Variants in MAGEC3 observed in about 807,000 individuals in gnomAD.
MAGEC3 encodes MAGE family member C3.
MAGEC3 carries 34 observed loss-of-function variants against 35.3 expected under a neutral mutation model. That is an observed-to-expected ratio of 0.96 (90% CI 0.73 to 1.28). The LOEUF (loss-of-function observed/expected upper bound fraction) is 1.28, where lower values mean the gene tolerates loss of function less well. Among genes scored for constraint, MAGEC3 ranks in the 50% most tolerant of loss-of-function variants. The pLI, the probability that MAGEC3 is intolerant of heterozygous loss-of-function variation, is 0.00. For missense variants in MAGEC3, 561 were observed against 483.6 expected (o/e 1.16, Z -1.50); for synonymous variants, 202 against 185.6 (o/e 1.09, Z -0.72).
chrX:141,856,585 C>T (rs1268378708), intron 1 of MAGEC3, among the ~76,000 whole-genome samples: 1 of 111,111 alleles, frequency 9.0e-6, no homozygotes, highest in Admixed American at 9.6e-5. Flanking sequence ...AAAACTATAT[C>T]AATATGTTGA....
At chrX:141,873,683 A>G (rs765685893) in intron 2 of MAGEC3, among the ~76,000 whole-genome samples, 3 of 111,785 alleles carry the variant, frequency 2.7e-5, no homozygotes, top group Non-Finnish European at 5.6e-5. Context: ...AGTAGGCACA[A>G]GGTCTGTATA....
At chrX:141,849,076 C>G (rs2017734837) in intron 1 of MAGEC3, among the ~76,000 whole-genome samples, 1 of 111,114 alleles carries the variant, frequency 9.0e-6, no homozygotes, top group Non-Finnish European at 1.9e-5. Context: ...AAAACAGACA[C>G]ACAGACCAAT....
intron 1 of MAGEC3, among the ~76,000 whole-genome samples, chrX:141,848,977 T>C (rs73238532): frequency 0.024 from 2,658 of 111,229 alleles, 42 homozygotes; most frequent in Non-Finnish European, 0.039. Context: ...AATACATTTA[T>C]AGAAAGAACA....
chrX:141,841,818 G>T (rs2017687466), intron 1 of MAGEC3, among the ~76,000 whole-genome samples: 1 of 111,509 alleles, frequency 9.0e-6, no homozygotes, highest in African/African-American at 3.3e-5. Flanking sequence ...TTTCCAATAT[G>T]ATGTGATCTG....
At chrX:141,879,744 G>A (rs1389652191) in intron 3 of MAGEC3, among the ~76,000 whole-genome samples, 3 of 110,672 alleles carry the variant, frequency 2.7e-5, no homozygotes, top group East Asian at 2.9e-4. Context: ...AGAACTGGCC[G>A]ATCCTCAAGG....
intron 4 of MAGEC3, among the ~76,000 whole-genome samples, chrX:141,882,784 A>C (rs763199259): frequency 2.7e-5 from 3 of 112,077 alleles, no homozygotes; most frequent in Non-Finnish European, 5.6e-5. Flanking sequence ...AAAACAATAG[A>C]GTCTAGGAGC....
At chrX:141,865,345 A>G (rs895933414) in intron 1 of MAGEC3, 126 bp from the exon 2 acceptor site, 2 of 593,414 alleles carry the variant, frequency 3.4e-6, no homozygotes, top group Non-Finnish European at 4.7e-6. Flanking sequence ...TTTTAATTTG[A>G]CATTTTTTTT....
chrX:141,893,642 C>CTG (rs770042816), intron 4 of MAGEC3, among the ~76,000 whole-genome samples: 7,047 of 85,007 alleles, frequency 0.083, 362 homozygotes, highest in Admixed American at 0.13. Flanking sequence ...ATAGGAGACA[C>CTG]TGTGTGTGTG....
At chrX:141,856,645 G>A (rs2017782734) in intron 1 of MAGEC3, among the ~76,000 whole-genome samples, 1 of 111,294 alleles carries the variant, frequency 9.0e-6, no homozygotes, top group African/African-American at 3.3e-5. Context: ...CCAACATGTG[G>A]AATCAACCTA....
At position 141,885,388 on chromosome X, in the gene MAGEC3, C is replaced by T. The variant is rs149670710; in HGVS notation, c.909+3592C>T. On this transcript the variant is annotated intron_variant, in intron 4 of 7. Coordinates refer to ENST00000298296, the MANE Select transcript of MAGEC3 (RefSeq NM_138702.1). ...GGGGAGTTAAAAAAGGTTCTAAGGC[C>T]GGGCGCAGTGGCTCATGCATGTAAT... Among the ~76,000 whole-genome samples the T allele has an allele frequency of 6.0e-3, 659 of 109,764 alleles. 4 individuals carry two copies. Among genetic ancestry groups the T allele is most frequent in the African/African-American group, 0.02 (613 of 30,127 alleles).
At chrX:141,872,637 T>C (rs1025913076) in intron 2 of MAGEC3, among the ~76,000 whole-genome samples, 1 of 110,088 alleles carries the variant, frequency 9.1e-6, no homozygotes, top group Non-Finnish European at 1.9e-5. Flanking sequence ...GATGTTCCAG[T>C]TGGAATTGGT....
intron 1 of MAGEC3, chrX:141,839,513 C>CTACAGATCT: frequency 4.0e-6 from 3 of 754,138 alleles, no homozygotes; most frequent in Non-Finnish European, 4.7e-6. Context: ...TTGCTATTGT[C>CTACAGATCT]TTGGCTGCCG....
rs145649506 is a variant in MAGEC3, at chrX:141,872,353, G to A, written c.258+6748G>A. 4.7e-3 allele frequency among the ~76,000 whole-genome samples: 524 copies of A among 111,520 alleles called. 2 individuals are homozygous for A. Among genetic ancestry groups the A allele is most frequent in the South Asian group, 0.027 (70 of 2,630 alleles). ...AGCCCAGAGGGAAGGACGTAGGAAT[G>A]TGGGATTGTTTGTGACCCATGTGAG... On this transcript the variant is annotated intron_variant, in intron 2 of 7. Transcript: ENST00000298296.
At position 141,897,087 on chromosome X, in the gene MAGEC3, T is replaced by C; in HGVS notation, c.1329T>C (p.His443=). The stretch of plus-strand genomic sequence containing the variant: ...AAGAGGAGGATACAGCTACTTGGCA[T>C]GCCTTGCCAGAAAGTGAATCCTTGC... ...SSEEEDTATW[H]ALPESESLPR... is the part of the protein sequence containing the mutation. Residue 443 remains histidine (H), a synonymous_variant, in exon 7 of 8, where the codon CAT becomes CAC. Transcript: ENST00000298296. The C allele has an allele frequency of 8.3e-7, 1 of 1,211,842 alleles. No homozygotes were observed. The highest frequency in any genetic ancestry group is 1.1e-6 in the Non-Finnish European group (1 of 895,523).
intron 6 of MAGEC3, 56 bp downstream of exon 6, chrX:141,895,615 C>G: frequency 9.1e-7 from 1 of 1,095,346 alleles, no homozygotes; most frequent in Non-Finnish European, 1.2e-6. Flanking sequence ...GGGGGAACCC[C>G]CACCTCAGAG....
At chrX:141,856,667 A>G (rs375677873) in intron 1 of MAGEC3, among the ~76,000 whole-genome samples, 3 of 111,881 alleles carry the variant, frequency 2.7e-5, no homozygotes, top group African/African-American at 9.7e-5. Context: ...GTGTTCATCA[A>G]TAGGTGAATA....
intron 1 of MAGEC3, among the ~76,000 whole-genome samples, chrX:141,853,356 A>G (rs2017762570): frequency 9.0e-6 from 1 of 111,162 alleles, no homozygotes; most frequent in South Asian, 3.8e-4. Flanking sequence ...TTTGAAGTAA[A>G]TGTCTACTGG....
At chrX:141,863,402 T>C (rs748373530) in intron 1 of MAGEC3, among the ~76,000 whole-genome samples, 1 of 111,511 alleles carries the variant, frequency 9.0e-6, no homozygotes, top group Non-Finnish European at 1.9e-5. Context: ...AGTGGATACA[T>C]GACATTATAT....
At chrX:141,842,066 A>G (rs951655571) in intron 1 of MAGEC3, among the ~76,000 whole-genome samples, 2 of 112,076 alleles carry the variant, frequency 1.8e-5, no homozygotes, top group African/African-American at 6.5e-5. Flanking sequence ...ATTGCTTAAT[A>G]GTATGAACTG....
Sources: gnomAD v4.1 joint callset for allele counts (sites outside exome capture counted in the v4.1 genomes callset) on GRCh38, gnomAD v4.1.1 for gene constraint, MANE v1.5 for transcripts, NCBI Gene and HGNC (gene_info 2026-07-23, HGNC 2026-07-21) for gene names.